APC: variants seen among roughly 807,000 people sequenced by gnomAD.
APC encodes adenomatous polyposis coli protein.
In APC, 72 loss-of-function variants were observed where a neutral mutation model predicts 247.0. The ratio of observed to expected loss-of-function variants is 0.29; its 90% CI spans 0.24 to 0.35. APC has a LOEUF of 0.35. APC is among the 10% of genes least tolerant of loss of function. The pLI is 1.00. For synonymous variants in APC, 1,254 were observed against 1,162.5 expected, an observed-to-expected ratio of 1.08 and a Z score of -1.60; for missense variants, 3,400 against 3,360.7, an observed-to-expected ratio of 1.01 and a Z score of -0.29.
chr5:112,824,911 G>A (rs1048815823), intron 11 of APC, among the ~76,000 whole-genome samples: 1 of 151,930 alleles, frequency 6.6e-6, no homozygotes, highest in Non-Finnish European at 1.5e-5. Context: ...TTCTGTTATA[G>A]TTTTTGTTTT....
At chr5:112,764,732 AAT>A (rs1389815775) in intron 2 of APC, among the ~76,000 whole-genome samples, 3 of 152,182 alleles carry the variant, frequency 2.0e-5, no homozygotes, top group African/African-American at 7.2e-5. Context: ...AAGCCTGAGA[AAT>A]AAGGATAAGA....
At chr5:112,835,974 C>T (rs1337653569) in intron 15 of APC, among the ~76,000 whole-genome samples, 3 of 148,224 alleles carry the variant, frequency 2.0e-5, no homozygotes, top group East Asian at 2.0e-4. Context: ...TTTCAGAACT[C>T]GGATGCTGTA....
At chr5:112,792,386 TTATTTC>T in intron 6 of APC, 54 bp from the exon 7 acceptor site, 7 of 1,144,670 alleles carry the variant, frequency 6.1e-6, no homozygotes, top group Non-Finnish European at 7.6e-6. Context: ...CATAGTATGA[TTATTTC>T]TATTAATATT....
intron 2 of APC, among the ~76,000 whole-genome samples, chr5:112,763,087 T>A (rs1019176082): frequency 1.2e-4 from 18 of 152,166 alleles, no homozygotes; most frequent in African/African-American, 3.4e-4. Context: ...AAAAATTGTT[T>A]GACCTTAAAT....
chr5:112,801,208 A>AT lies in APC; in HGVS notation c.730-71_730-70insT, dbSNP rs1760780095. 14 of 1,294,726 alleles carry AT rather than the reference A, an allele frequency of 1.1e-5. No individual in the cohort carries two copies. The East Asian group carries it at 3.3e-4, about 31-fold the overall frequency. The allele number at this position is 1,294,726 out of a possible 1,614,324, so 80.2% of individuals were successfully genotyped here. On this transcript the variant is annotated intron_variant, in intron 7 of 15. Transcript: ENST00000257430. Reference sequence around the variant, plus strand: ...GCATTCAGAGCTTTAAAGCAAAAAAAGAAAAAAAGCCTTGGGCTAAGAAAG... The same window carrying AT: ...GCATTCAGAGCTTTAAAGCAAAAAAATGAAAAAAAGCCTTGGGCTAAGAAAG...
At chr5:112,803,457 C>T (rs900323155) in intron 8 of APC, among the ~76,000 whole-genome samples, 3 of 152,196 alleles carry the variant, frequency 2.0e-5, no homozygotes, top group Admixed American at 2.0e-4. Context: ...TGGGAAATCA[C>T]ACTCCCTCAC....
intron 1 of APC, among the ~76,000 whole-genome samples, chr5:112,712,262 T>C (rs775851593): frequency 3.3e-5 from 5 of 152,062 alleles, no homozygotes; most frequent in Non-Finnish European, 7.4e-5. Context: ...GTTCTGTAAC[T>C]CCCTACTTCC....
upstream of APC, among the ~76,000 whole-genome samples, chr5:112,735,090 A>G (rs75153469): frequency 4.3e-3 from 648 of 152,298 alleles, 4 homozygotes; most frequent in African/African-American, 0.015. Flanking sequence ...TGGTTATAAC[A>G]AACACTGATA....
chr5:112,819,857 CTG>C (rs1762937566), intron 10 of APC, among the ~76,000 whole-genome samples: 1 of 152,128 alleles, frequency 6.6e-6, no homozygotes, highest in Non-Finnish European at 1.5e-5. Flanking sequence ...GATGAAAAAA[CTG>C]AGGCTCAGAA....
chr5:112,794,791 G>A (rs1167634086), intron 7 of APC, among the ~76,000 whole-genome samples: 1 of 152,140 alleles, frequency 6.6e-6, no homozygotes, highest in Admixed American at 6.5e-5. Context: ...ACAAATTCCA[G>A]GCTTCCACAT....
At chr5:112,764,033 C>A (rs139800508) in intron 2 of APC, among the ~76,000 whole-genome samples, 1 of 149,956 alleles carries the variant, frequency 6.7e-6, no homozygotes, top group Non-Finnish European at 1.5e-5. Flanking sequence ...GTCAGGAGAT[C>A]GAGACCATCC....
upstream of APC, chr5:112,737,711 G>T (rs1241357841): frequency 2.2e-6 from 1 of 459,530 alleles, no homozygotes; most frequent in Admixed American, 6.4e-5. Context: ...CGGTTGGGCG[G>T]GGCCCTGTGC....
chr5:112,817,419 C>A (rs1338439503), intron 9 of APC, among the ~76,000 whole-genome samples: 1 of 152,034 alleles, frequency 6.6e-6, no homozygotes, highest in Non-Finnish European at 1.5e-5. Context: ...CTTCTTGGGA[C>A]CTCATATGCC....
At chr5:112,785,206 C>A in intron 6 of APC, among the ~76,000 whole-genome samples, 1 of 152,058 alleles carries the variant, frequency 6.6e-6, no homozygotes, top group East Asian at 1.9e-4. Flanking sequence ...GTTATGAATC[C>A]TACACTATTT....
At chr5:112,734,790 TG>T (rs368820879), upstream of APC, among the ~76,000 whole-genome samples, 3 of 116,222 alleles carry the variant, frequency 2.6e-5, no homozygotes, top group South Asian at 3.3e-4. Flanking sequence ...TGTGTGTGTG[TG>T]TGTTTTTTTT....
chr5:112,735,013 T>A (rs1464644652), upstream of APC, among the ~76,000 whole-genome samples: 1 of 152,132 alleles, frequency 6.6e-6, no homozygotes, highest in African/African-American at 2.4e-5. Flanking sequence ...AAGGGTTTTT[T>A]AAGTTGAATT....
intron 8 of APC, among the ~76,000 whole-genome samples, chr5:112,802,964 A>G (rs993323991): frequency 6.6e-6 from 1 of 152,130 alleles, no homozygotes; most frequent in African/African-American, 2.4e-5. Context: ...TTAAAAATAA[A>G]ATTAAAATGG....
Position 112,801,403 on chromosome 5 carries a change from A to G in APC, c.834+20A>G, listed in dbSNP as rs745640474. 8.6e-6 allele frequency: 13 copies of G among 1,507,962 alleles called. No individual in the cohort carries two copies. In the African/African-American group the frequency reaches 1.3e-4, roughly 15 times the overall value. The allele number at this position is 1,507,962 out of a possible 1,614,324, so 93.4% of individuals were successfully genotyped here. A position where few individuals can be genotyped will look rare whatever the true frequency, so the allele number is the denominator to read the frequency against. On this transcript the variant is annotated intron_variant, in intron 8 of 15. Transcript: ENST00000257430. The stretch of plus-strand genomic sequence containing the variant: ...GGTCAGGTAAATAAATTATTTTATC[A>G]TATTTTTTAAAATTATTTAAATATC...
chr5:112,835,232 A>G (rs1764756216), intron 15 of APC, 67 bp downstream of exon 15: 1 of 1,363,070 alleles, frequency 7.3e-7, no homozygotes, highest in East Asian at 2.5e-5. Context: ...CCTAATTGTA[A>G]GCAATGTTTT....
Sources: allele counts gnomAD v4.1 joint callset (sites outside exome capture counted in the v4.1 genomes callset), GRCh38; gene constraint gnomAD v4.1.1; transcripts MANE v1.5; gene names NCBI Gene and HGNC (gene_info 2026-07-23, HGNC 2026-07-21).